Variants in MEF2D observed in about 807,000 individuals in gnomAD.
MEF2D encodes myocyte-specific enhancer factor 2D.
Under a neutral mutation model 59.3 loss-of-function variants are expected in MEF2D, and 10 were observed. That is an observed-to-expected ratio of 0.17 (90% confidence interval 0.10 to 0.29). MEF2D has a LOEUF of 0.29. MEF2D is among the 10% of genes least tolerant of loss of function. The pLI is 1.00. For missense variants in MEF2D, 508 were observed against 699.4 expected, an observed-to-expected ratio of 0.73 and a Z score of 3.09; for synonymous variants, 305 against 295.0, an observed-to-expected ratio of 1.03 and a Z score of -0.35.
At position 156,467,119 on chromosome 1, in the gene MEF2D, C is replaced by G. The variant is rs1670896204; in HGVS notation, c.*526G>C. ...GGCTACATGAACACAAAAACAGAGACCCTTTTCAGAACCTCTGCCTCACTT... is the reference window on the plus strand; with the variant it reads ...GGCTACATGAACACAAAAACAGAGAGCCTTTTCAGAACCTCTGCCTCACTT... On this transcript the variant is annotated 3_prime_UTR_variant, in exon 12 of 12. Coordinates refer to ENST00000348159, the MANE Select transcript of MEF2D (RefSeq NM_005920.4). 6.6e-6 allele frequency: 1 copy of G among 152,648 alleles called. No individual in the cohort carries two copies. Among genetic ancestry groups the G allele is most frequent in the African/African-American group, 2.4e-5 (1 of 41,442 alleles). 9.5% of individuals were successfully genotyped at this position (152,648 alleles called of 1,614,324 possible).
chr1:156,478,823 C>G (rs1671794088), intron 6 of MEF2D, among the ~76,000 whole-genome samples: 1 of 152,240 alleles, frequency 6.6e-6, no homozygotes, highest in African/African-American at 2.4e-5. Flanking sequence ...AGCCACCATG[C>G]CCGGCCTCTT....
Position 156,468,845 on chromosome 1 carries a change from AGGCTGCTGTGGCTGT to A in MEF2D, c.1167_1181del (p.Pro391_Gln395del), listed in dbSNP as rs747698561. On this transcript the variant is annotated inframe_deletion, in exon 10 of 12. Transcript: ENST00000348159. This position sits in a 1 kb window ranked among gnomAD's most constrained non-coding sequence, Gnocchi z 4.3. ...GCTGAGGTGGCTGTTGCGGCTGCTG[AGGCTGCTGTGGCTGT>A]GGCTGCTGTGGCTGCGGTGGCTGCT... 28 of 1,613,732 alleles carry A rather than the reference AGGCTGCTGTGGCTGT, an allele frequency of 1.7e-5. No individual in the cohort carries two copies. Among genetic ancestry groups the A allele is most frequent in the South Asian group, 1.5e-4 (14 of 91,060 alleles).
chr1:156,482,223 C>T (rs112267497), intron 3 of MEF2D, among the ~76,000 whole-genome samples: 5 of 152,334 alleles, frequency 3.3e-5, no homozygotes, highest in African/African-American at 1.2e-4. Flanking sequence ...CTGGCACTGG[C>T]CTGTTCACTT....
At chr1:156,484,016 C>G (rs1672184997) in intron 1 of MEF2D, 1 of 152,264 alleles carries the variant, frequency 6.6e-6, no homozygotes, top group African/African-American at 2.4e-5. Context: ...GTTGTAGCAC[C>G]CACATCTCCC....
At position 156,490,912 on chromosome 1, in the gene MEF2D, C is replaced by G. The variant is rs539083979; in HGVS notation, c.-138-7482G>C. On this transcript the variant is annotated intron_variant, in intron 1 of 11. Transcript: ENST00000348159. The stretch of plus-strand genomic sequence containing the variant: ...AGTCTAGCTCTCATCCTTCCTGTAG[C>G]AGCTGTGAGGCCATTTGGCTCTCTA... 2.6e-5 allele frequency among the ~76,000 whole-genome samples: 4 copies of G among 152,334 alleles called. No individual in the cohort carries two copies. The East Asian group carries it at 5.8e-4, about 22-fold the overall frequency.
At chr1:156,487,928 C>T (rs1452569389) in intron 1 of MEF2D, among the ~76,000 whole-genome samples, 1 of 152,254 alleles carries the variant, frequency 6.6e-6, no homozygotes, top group Non-Finnish European at 1.5e-5. Flanking sequence ...GTATCTGGAG[C>T]CCAGGGCTTG....
chr1:156,470,375 C>T (rs1252600426), intron 9 of MEF2D, among the ~76,000 whole-genome samples: 22 of 149,708 alleles, frequency 1.5e-4, no homozygotes, highest in Admixed American at 1.3e-3. Context: ...GTGGAGATCG[C>T]ACCACTGCAC....
At chr1:156,483,217 T>C (rs749578503) in intron 2 of MEF2D, 22 bp downstream of exon 2, 1 of 1,613,934 alleles carries the variant, frequency 6.2e-7, no homozygotes, top group Non-Finnish European at 8.5e-7. Context: ...ACCCACTTCG[T>C]ACGGCTCTAG....
chr1:156,496,447 G>A (rs1038940107), intron 1 of MEF2D, among the ~76,000 whole-genome samples: 2 of 152,148 alleles, frequency 1.3e-5, no homozygotes, highest in African/African-American at 4.8e-5. Flanking sequence ...AGGGGCACGT[G>A]GGGGAGGGGT....
At chr1:156,490,835 C>A in intron 1 of MEF2D, among the ~76,000 whole-genome samples, 1 of 152,234 alleles carries the variant, frequency 6.6e-6, no homozygotes, top group East Asian at 1.9e-4. Flanking sequence ...CAGTGAGGGT[C>A]TGTCTCCTGA....
In MEF2D at chr1:156,468,713, A is replaced by T; in HGVS notation, c.1247+67T>A. On this transcript the variant is annotated intron_variant, in intron 10 of 11. Transcript: ENST00000348159. The surrounding 1 kb of genome is among the most constrained non-coding windows in gnomAD (Gnocchi z 4.3). ...CCCTGCAGGGAACCCAGCTCCCAAGAGGTCCCTCCTCTTCCCGTTCAATTC... is the reference window on the plus strand; with the variant it reads ...CCCTGCAGGGAACCCAGCTCCCAAGTGGTCCCTCCTCTTCCCGTTCAATTC... 6.4e-7 allele frequency: 1 copy of T among 1,565,562 alleles called. No individual in the cohort carries two copies. The highest frequency in any genetic ancestry group is 8.7e-7 in the Non-Finnish European group (1 of 1,150,308).
intron 11 of MEF2D, 96 bp downstream of exon 11, chr1:156,467,897 G>T (rs1239005808): frequency 1.4e-6 from 2 of 1,456,078 alleles, no homozygotes; most frequent in Admixed American, 2.0e-5. Context: ...CGGCCACAAG[G>T]CCTCTTGGGT....
rs768730968 is a variant in MEF2D at position 156,477,063 on chromosome 1, G to A, written c.804C>T (p.Pro268=). Residue 268 remains proline (P), a synonymous_variant, in exon 7 of 12, where the codon CCC becomes CCT. Coordinates refer to ENST00000348159, the MANE Select transcript of MEF2D (RefSeq NM_005920.4). The part of the protein sequence containing the change: ...STQLGAPSRK[P]DLRVITSQAG... The stretch of plus-strand genomic sequence containing the variant: ...CCTGGGAAGTGATGACTCGCAGGTC[G>A]GGCTTGCGGCTGGGGGCTCCAAGCT... 22 of 1,613,756 alleles carry A rather than the reference G, an allele frequency of 1.4e-5. No individual in the cohort carries two copies. Among genetic ancestry groups the A allele is most frequent in the East Asian group, 4.5e-5 (2 of 44,884 alleles).
At chr1:156,495,128 C>T (rs887145513) in intron 1 of MEF2D, among the ~76,000 whole-genome samples, 1 of 152,172 alleles carries the variant, frequency 6.6e-6, no homozygotes, top group African/African-American at 2.4e-5. Context: ...CCATGACACT[C>T]AAGTCAAAAC....
intron 9 of MEF2D, among the ~76,000 whole-genome samples, chr1:156,471,858 G>A (rs963417313): frequency 1.3e-5 from 2 of 152,230 alleles, no homozygotes; most frequent in Non-Finnish European, 2.9e-5. Context: ...GATCTGCTTA[G>A]CTGCTCCTGT....
chr1:156,477,099 G>C lies in MEF2D; in HGVS notation c.768C>G (p.Thr256=). ...TGGGGGCTCCAAGCTGGGTGCTGTG[G>C]GTAGGTGGGGGTGGAGACTTGGCAG... ...VIPAKSPPPP[T]HSTQLGAPSR... Residue 256 remains threonine, a synonymous_variant, in exon 7 of 12, where the codon ACC becomes ACG. Coordinates refer to ENST00000348159, the MANE Select transcript of MEF2D (RefSeq NM_005920.4). 2 of 1,614,004 alleles carry C rather than the reference G, an allele frequency of 1.2e-6. No homozygotes were observed. The highest frequency in any genetic ancestry group is 1.1e-5 in the South Asian group (1 of 91,074).
At chr1:156,498,715 G>C (rs923363420) in intron 1 of MEF2D, among the ~76,000 whole-genome samples, 1 of 151,986 alleles carries the variant, frequency 6.6e-6, no homozygotes, top group Non-Finnish European at 1.5e-5. Flanking sequence ...CGGGGGCAGG[G>C]GAGTTACAAC....
In MEF2D at chr1:156,465,933, C is replaced by G. The variant is rs1231638641; in HGVS notation, c.*1712G>C. On this transcript the variant is annotated 3_prime_UTR_variant, in exon 12 of 12. Coordinates refer to ENST00000348159, the MANE Select transcript of MEF2D (RefSeq NM_005920.4). ...GGGAGGAAACCCCAAGGGGGCGCCG[C>G]ACCCCTTGGGCAGAGGAGCTGGGCT... 1.3e-5 allele frequency: 2 copies of G among 152,224 alleles called. No homozygotes were observed. Among genetic ancestry groups the G allele is most frequent in the South Asian group, 2.1e-4 (1 of 4,832 alleles). The allele number at this position is 152,224 out of a possible 1,614,324, so 9.4% of individuals were successfully genotyped here. A position where few individuals can be genotyped will look rare whatever the true frequency, so the allele number is the denominator to read the frequency against.
At chr1:156,485,353 G>A (rs553579766) in intron 1 of MEF2D, among the ~76,000 whole-genome samples, 1 of 152,226 alleles carries the variant, frequency 6.6e-6, no homozygotes, top group Admixed American at 6.5e-5. Context: ...GGAGGAGAGG[G>A]AAGGCAAGGA....
Sources: allele counts gnomAD v4.1 joint callset (sites outside exome capture counted in the v4.1 genomes callset), GRCh38; gene constraint gnomAD v4.1.1; non-coding constraint Gnocchi (gnomAD v3.1); transcripts MANE v1.5; gene names NCBI Gene and HGNC (gene_info 2026-07-23, HGNC 2026-07-21).